The following PCDH15 variants were observed in gnomAD, a reference collection of about 807,000 sequenced individuals.
The protein encoded by PCDH15 is protocadherin related 15.
In PCDH15, 129 loss-of-function variants were observed where a neutral mutation model predicts 178.5. The observed-to-expected ratio is 0.72, with a 90% CI of 0.63 to 0.84. The LOEUF is 0.84. Among genes scored for constraint, PCDH15 ranks in the 40% least tolerant of loss-of-function variants. The probability of loss-of-function intolerance (pLI) is 0.00; values close to 1 mark genes in which losing one functional copy is unlikely to be tolerated. For synonymous variants in PCDH15, 800 were observed against 732.0 expected (o/e 1.09, Z -1.50); for missense variants, 2,230 against 2,099.9 (o/e 1.06, Z -1.21).
chr10:53,811,139 A>T (rs982482561), intron 36 of PCDH15, among the ~76,000 whole-genome samples: 4 of 152,120 alleles, frequency 2.6e-5, no homozygotes, highest in Non-Finnish European at 5.9e-5. Context: ...GACTTTTGAG[A>T]CACTTATCAG....
At chr10:55,235,959 A>G (rs1841375243) in intron 1 of PCDH15, among the ~76,000 whole-genome samples, 1 of 151,434 alleles carries the variant, frequency 6.6e-6, no homozygotes, top group African/African-American at 2.4e-5. Context: ...TCTGACTGGA[A>G]TGTTAGTTTA....
At chr10:54,295,297 A>G (rs1017498082) in intron 8 of PCDH15, among the ~76,000 whole-genome samples, 1 of 151,700 alleles carries the variant, frequency 6.6e-6, no homozygotes, top group Middle Eastern at 3.2e-3. Context: ...TGGACCAATC[A>G]ATTCTCTGTA....
intron 2 of PCDH15, among the ~76,000 whole-genome samples, chr10:54,610,219 T>C (rs1301493940): frequency 1.3e-5 from 2 of 151,882 alleles, no homozygotes; most frequent in Non-Finnish European, 2.9e-5. Flanking sequence ...AGAAATACTA[T>C]CTATTAGCTC....
intron 2 of PCDH15, among the ~76,000 whole-genome samples, chr10:55,557,584 T>C (rs1165924041): frequency 6.6e-6 from 1 of 152,090 alleles, no homozygotes; most frequent in Non-Finnish European, 1.5e-5. Context: ...GGCTTTTGCC[T>C]CATCTCAGGC....
chr10:54,500,109 C>G (rs2080519425), intron 3 of PCDH15, among the ~76,000 whole-genome samples: 1 of 152,026 alleles, frequency 6.6e-6, no homozygotes, highest in Non-Finnish European at 1.5e-5. Context: ...GAATACTATG[C>G]AGCCATTAAA....
intron 3 of PCDH15, among the ~76,000 whole-genome samples, chr10:54,387,556 C>G (rs1294384489): frequency 9.9e-5 from 15 of 152,150 alleles, no homozygotes; most frequent in African/African-American, 3.6e-4. Flanking sequence ...GATGTGTACT[C>G]TTCTGATCTG....
chr10:54,929,879 A>G (rs1591790422), intron 2 of PCDH15, among the ~76,000 whole-genome samples: 1 of 152,336 alleles, frequency 6.6e-6, no homozygotes, highest in East Asian at 1.9e-4. Context: ...GGTCTGCTGT[A>G]CCATTTTAAC....
At chr10:54,160,860 C>A (rs2045636117) in intron 13 of PCDH15, among the ~76,000 whole-genome samples, 1 of 152,064 alleles carries the variant, frequency 6.6e-6, no homozygotes, top group African/African-American at 2.4e-5. Flanking sequence ...TACTAATAAG[C>A]ATCTGTATAA....
At chr10:55,173,410 TA>T (rs1245418281) in intron 1 of PCDH15, among the ~76,000 whole-genome samples, 4 of 151,702 alleles carry the variant, frequency 2.6e-5, no homozygotes, top group African/African-American at 7.3e-5. Context: ...TTAAGATATG[TA>T]AAAATTTATA....
chr10:54,384,089 C>A, intron 3 of PCDH15, among the ~76,000 whole-genome samples: 1 of 151,696 alleles, frequency 6.6e-6, no homozygotes, highest in Non-Finnish European at 1.5e-5. Flanking sequence ...CCGCCTCGGC[C>A]TCCCAACGTG....
intron 2 of PCDH15, among the ~76,000 whole-genome samples, chr10:54,602,778 A>G (rs754837755): frequency 3.3e-5 from 5 of 151,944 alleles, no homozygotes; most frequent in Non-Finnish European, 2.9e-5. Flanking sequence ...TGAATGACTT[A>G]TGCATGTTCA....
chr10:55,191,538 A>C (rs150042427), intron 1 of PCDH15, among the ~76,000 whole-genome samples: 1 of 152,024 alleles, frequency 6.6e-6, no homozygotes, highest in East Asian at 1.9e-4. Context: ...TCAGATCTAA[A>C]TTCAAATCTA....
intron 18 of PCDH15, among the ~76,000 whole-genome samples, chr10:54,028,790 G>A (rs1465959729): frequency 3.8e-4 from 16 of 42,246 alleles, no homozygotes; most frequent in East Asian, 9.6e-4. Context: ...GACTGTTGTG[G>A]GGTGGGGGGA....
intron 2 of PCDH15, among the ~76,000 whole-genome samples, chr10:55,136,029 A>G (rs1401853477): frequency 6.6e-6 from 1 of 152,206 alleles, no homozygotes; most frequent in African/African-American, 2.4e-5. Context: ...ATGAAGTACA[A>G]CAAGTGGTCT....
chr10:54,684,764 A>T (rs1213273570), intron 1 of PCDH15, among the ~76,000 whole-genome samples: 3 of 151,908 alleles, frequency 2.0e-5, no homozygotes, highest in Non-Finnish European at 1.5e-5. Context: ...AGCAACAATC[A>T]TTTCCAGCGT....
At chr10:55,348,564 G>A (rs979426477) in intron 2 of PCDH15, among the ~76,000 whole-genome samples, 5 of 152,112 alleles carry the variant, frequency 3.3e-5, no homozygotes, top group Non-Finnish European at 7.4e-5. Context: ...GTGTTTTATA[G>A]TAAGAAATAC....
chr10:55,441,400 G>GT (rs1839180742), intron 2 of PCDH15, among the ~76,000 whole-genome samples: 2 of 152,280 alleles, frequency 1.3e-5, no homozygotes, highest in African/African-American at 4.8e-5. Flanking sequence ...TTGAGAGATT[G>GT]TCTGTTACAG....
At chr10:54,984,975 G>A (rs921672615) in intron 2 of PCDH15, among the ~76,000 whole-genome samples, 27 of 152,030 alleles carry the variant, frequency 1.8e-4, no homozygotes, top group African/African-American at 6.3e-4. Context: ...CCTGACTTTT[G>A]TTATAGGAGT....
In PCDH15 at chr10:54,778,406, C is replaced by T. The variant is rs925159135; in HGVS notation, c.-29+22519G>A. On this transcript the variant is annotated intron_variant, in intron 1 of 37. Coordinates refer to ENST00000644397, the MANE Select transcript of PCDH15 (RefSeq NM_001384140.1). Reference sequence around the variant, plus strand: ...CATCAATAGTCCCGGGGTGGAGGGGCGTTATCAGCTATTGTTTCTCTGAAT... The same window carrying T: ...CATCAATAGTCCCGGGGTGGAGGGGTGTTATCAGCTATTGTTTCTCTGAAT... Among the ~76,000 whole-genome samples the T allele has an allele frequency of 2.0e-5, 3 of 152,162 alleles. 1 individual carries two copies. The highest frequency in any genetic ancestry group is 6.8e-3 in the Middle Eastern group (2 of 294).
Sources: gnomAD v4.1 joint callset for allele counts (sites outside exome capture counted in the v4.1 genomes callset) on GRCh38, gnomAD v4.1.1 for gene constraint, MANE v1.5 for transcripts, NCBI Gene and HGNC (gene_info 2026-07-23, HGNC 2026-07-21) for gene names.